SLC4A4: variants seen among roughly 807,000 people sequenced by gnomAD.
SLC4A4 encodes electrogenic sodium bicarbonate cotransporter 1.
In SLC4A4, 27 loss-of-function variants were observed where a neutral mutation model predicts 111.5. That is an observed-to-expected ratio of 0.24 (90% confidence interval 0.18 to 0.33). SLC4A4 has a LOEUF of 0.33. Among genes scored for constraint, SLC4A4 ranks in the 10% least tolerant of loss-of-function variants. The pLI, the probability that SLC4A4 is intolerant of heterozygous loss-of-function variation, is 1.00. For synonymous variants in SLC4A4, 443 were observed against 463.4 expected (o/e 0.96, Z 0.57); for missense variants, 909 against 1,315.5 (o/e 0.69, Z 4.78).
intron 2 of SLC4A4, among the ~76,000 whole-genome samples, chr4:71,125,767 C>A (rs575058587): frequency 1.3e-5 from 2 of 152,240 alleles, no homozygotes; most frequent in East Asian, 3.9e-4. Flanking sequence ...AGGACAGATT[C>A]AGGTTCTGTG....
At chr4:71,535,682 A>G (rs1734349717) in intron 18 of SLC4A4, among the ~76,000 whole-genome samples, 1 of 152,118 alleles carries the variant, frequency 6.6e-6, no homozygotes, top group South Asian at 2.1e-4. Flanking sequence ...AGAGAAGAAC[A>G]TCATGGGAAA....
intron 2 of SLC4A4, among the ~76,000 whole-genome samples, chr4:71,164,977 G>C (rs1199752333): frequency 6.6e-6 from 1 of 152,186 alleles, no homozygotes; most frequent in Non-Finnish European, 1.5e-5. Flanking sequence ...GGTCATTAGA[G>C]AAATGCAAAT....
chr4:71,215,224 C>T (rs528754341), intron 1 of SLC4A4, among the ~76,000 whole-genome samples: 1 of 152,326 alleles, frequency 6.6e-6, no homozygotes, highest in Middle Eastern at 3.4e-3. Flanking sequence ...TAAAACATCA[C>T]AGCTGGGTTT....
At chr4:71,216,002 G>A (rs1451588393) in intron 1 of SLC4A4, among the ~76,000 whole-genome samples, 5 of 139,484 alleles carry the variant, frequency 3.6e-5, no homozygotes, top group Non-Finnish European at 7.7e-5. Context: ...CCCCCACCCC[G>A]GATTCAAGCA....
intron 4 of SLC4A4, among the ~76,000 whole-genome samples, chr4:71,340,402 G>T (rs1044247622): frequency 5.3e-5 from 8 of 152,130 alleles, no homozygotes; most frequent in South Asian, 2.1e-4. Flanking sequence ...ACAGTATATT[G>T]TTGTATTTAT....
At chr4:71,413,200 A>G (rs1721520909) in intron 7 of SLC4A4, among the ~76,000 whole-genome samples, 1 of 152,230 alleles carries the variant, frequency 6.6e-6, no homozygotes, top group Non-Finnish European at 1.5e-5. Flanking sequence ...TGCTAAATAA[A>G]TAATAGCATG....
At chr4:71,489,016 C>A (rs1729667020) in intron 15 of SLC4A4, among the ~76,000 whole-genome samples, 2 of 148,100 alleles carry the variant, frequency 1.4e-5, no homozygotes, top group African/African-American at 5.0e-5. Flanking sequence ...TATACACACA[C>A]ATACAATATA....
At chr4:71,389,611 A>G (rs1719079216) in intron 6 of SLC4A4, among the ~76,000 whole-genome samples, 1 of 152,218 alleles carries the variant, frequency 6.6e-6, no homozygotes, top group Non-Finnish European at 1.5e-5. Context: ...TGGGCCAGCT[A>G]CAAACTTCTT....
intron 4 of SLC4A4, among the ~76,000 whole-genome samples, chr4:71,349,470 C>G (rs1481027219): frequency 6.6e-6 from 1 of 152,214 alleles, no homozygotes; most frequent in East Asian, 1.9e-4. Flanking sequence ...ATTGGTTCAT[C>G]ACTGATATTT....
Position 71,144,636 on chromosome 4 carries a change from G to A in SLC4A4, c.-2+51844G>A, listed in dbSNP as rs1236521789. ...CTTTTATTTCATTGAGCAGGGGTTT[G>A]TAGTTCTCCTTGAAGAGGTCCTTCA... is the stretch of plus-strand genomic sequence containing the variant. On this transcript the variant is annotated intron_variant, in intron 2 of 26. Coordinates refer to the SLC4A4 transcript ENST00000649996. Among the ~76,000 whole-genome samples, 8 of 151,442 alleles carry A rather than the reference G, an allele frequency of 5.3e-5. No homozygotes were observed. In the South Asian group the frequency reaches 1.7e-3, roughly 32 times the overall value.
chr4:71,501,661 T>G (rs2149158993), intron 16 of SLC4A4, among the ~76,000 whole-genome samples: 1 of 151,538 alleles, frequency 6.6e-6, no homozygotes. Context: ...TTAATATTTT[T>G]TGTTTGTTTG....
At chr4:71,115,595 C>G (rs1482393989) in intron 2 of SLC4A4, among the ~76,000 whole-genome samples, 1 of 152,014 alleles carries the variant, frequency 6.6e-6, no homozygotes. Context: ...TGTGTTTTTC[C>G]AAAATGGTTA....
In SLC4A4 at chr4:71,466,406, A is replaced by G. The variant is rs755319886; in HGVS notation, c.1498-38A>G. 8 of 1,612,176 alleles carry G rather than the reference A, an allele frequency of 5.0e-6. No homozygotes were observed. The Admixed American group carries it at 1.3e-4, about 27-fold the overall frequency. On this transcript the variant is annotated intron_variant, in intron 12 of 25. Coordinates refer to ENST00000264485, the MANE Select transcript of SLC4A4 (RefSeq NM_001098484.3). Reference sequence around the variant, plus strand: ...GACATCACAAATGAGAAGAAAAAAGATGTGTTTCATTTAACATCTATATTT... The same window carrying G: ...GACATCACAAATGAGAAGAAAAAAGGTGTGTTTCATTTAACATCTATATTT...
intron 9 of SLC4A4, 62 bp downstream of exon 9, chr4:71,447,795 T>G: frequency 2.9e-6 from 3 of 1,034,390 alleles, no homozygotes; most frequent in Non-Finnish European, 3.0e-6. Context: ...ATACTGTGAA[T>G]TGGCTGTCAC....
chr4:71,122,025 A>C (rs1024620738), intron 2 of SLC4A4, among the ~76,000 whole-genome samples: 1 of 152,098 alleles, frequency 6.6e-6, no homozygotes, highest in Non-Finnish European at 1.5e-5. Flanking sequence ...TTCACTCCTG[A>C]AGCCAGCGAG....
chr4:71,262,775 T>A (rs571252055), intron 3 of SLC4A4, among the ~76,000 whole-genome samples: 1 of 152,080 alleles, frequency 6.6e-6, no homozygotes, highest in South Asian at 2.1e-4. Context: ...TTTTTTTTTC[T>A]AGCAAACAGT....
chr4:71,496,686 T>C (rs1042020845), intron 15 of SLC4A4, among the ~76,000 whole-genome samples: 3 of 151,902 alleles, frequency 2.0e-5, no homozygotes, highest in African/African-American at 7.3e-5. Context: ...AGCAAAAGGA[T>C]TCTCCTATGT....
intron 3 of SLC4A4, among the ~76,000 whole-genome samples, chr4:71,280,973 G>A (rs537348991): frequency 1.3e-5 from 2 of 152,218 alleles, no homozygotes; most frequent in Admixed American, 6.5e-5. Flanking sequence ...GATAATGTCT[G>A]CTACAGGAAG....
rs563666350 is a variant in SLC4A4, at chr4:71,101,256, C to T, written c.-2+8464C>T. Reference sequence around the variant, plus strand: ...CCTGGGCAACAGTGCAAGACTCCGTCTCAAAAAAACAAAAAAACAAAAAAA... The same window carrying T: ...CCTGGGCAACAGTGCAAGACTCCGTTTCAAAAAAACAAAAAAACAAAAAAA... On this transcript the variant is annotated intron_variant, in intron 2 of 26. Transcript: ENST00000649996. 1.2e-3 allele frequency among the ~76,000 whole-genome samples: 186 copies of T among 151,808 alleles called. 1 individual carries two copies. Among genetic ancestry groups the T allele is most frequent in the African/African-American group, 4.3e-3 (179 of 41,424 alleles).
Sources: allele counts gnomAD v4.1 joint callset (sites outside exome capture counted in the v4.1 genomes callset), GRCh38; gene constraint gnomAD v4.1.1; transcripts MANE v1.5; gene names NCBI Gene and HGNC (gene_info 2026-07-23, HGNC 2026-07-21).